The following CACNA1E variants were observed in gnomAD, a reference collection of about 807,000 sequenced individuals.
CACNA1E encodes the protein calcium voltage-gated channel subunit alpha1 E.
A neutral mutation model predicts 259.2 loss-of-function variants in CACNA1E; 40 were observed. That is an observed-to-expected ratio of 0.15 (90% confidence interval 0.12 to 0.20). CACNA1E has a LOEUF of 0.20. CACNA1E is among the 10% of genes least tolerant of loss of function. CACNA1E has a pLI of 1.00. For missense variants in CACNA1E, 1,874 were observed against 3,040.1 expected, an observed-to-expected ratio of 0.62 and a Z score of 9.02; for synonymous variants, 1,104 against 1,138.5, an observed-to-expected ratio of 0.97 and a Z score of 0.61.
chr1:181,496,085 A>C (rs1464310229), intron 1 of CACNA1E, among the ~76,000 whole-genome samples: 1 of 152,216 alleles, frequency 6.6e-6, no homozygotes, highest in Non-Finnish European at 1.5e-5. Context: ...TCTTTCCATA[A>C]GACTTTTTTT....
At chr1:181,422,337 A>G (rs1658810053) in intron 2 of CACNA1E, among the ~76,000 whole-genome samples, 2 of 152,200 alleles carry the variant, frequency 1.3e-5, no homozygotes, top group South Asian at 4.1e-4. Context: ...GTGAATGAAT[A>G]TTTATGAATG....
intron 1 of CACNA1E, among the ~76,000 whole-genome samples, chr1:181,351,061 A>G (rs1653006879): frequency 6.6e-6 from 1 of 152,234 alleles, no homozygotes; most frequent in Non-Finnish European, 1.5e-5. Context: ...TGGGTTAGGA[A>G]AAGACCCTTT....
At chr1:181,511,233 C>T (rs906485894) in intron 2 of CACNA1E, 138 bp from the exon 3 acceptor site, 9 of 936,162 alleles carry the variant, frequency 9.6e-6, no homozygotes, top group Admixed American at 6.2e-5. Context: ...CTGCAAGGGT[C>T]CCTTAGCACC....
intron 6 of CACNA1E, among the ~76,000 whole-genome samples, chr1:181,642,030 A>G (rs1657835181): frequency 6.6e-6 from 1 of 152,080 alleles, no homozygotes; most frequent in Non-Finnish European, 1.5e-5. Flanking sequence ...CACTAATTAT[A>G]TACAAAATAA....
At chr1:181,494,607 T>G (rs1664591949) in intron 1 of CACNA1E, among the ~76,000 whole-genome samples, 1 of 152,154 alleles carries the variant, frequency 6.6e-6, no homozygotes, top group Non-Finnish European at 1.5e-5. Flanking sequence ...TTCAAACAAG[T>G]GTATTATCCA....
chr1:181,748,352 T>C lies in CACNA1E; in HGVS notation c.3720-2124T>C, dbSNP rs113930506. 5.5e-3 allele frequency among the ~76,000 whole-genome samples: 839 copies of C among 152,322 alleles called. 16 individuals are homozygous for C. Among genetic ancestry groups the C allele is most frequent in the African/African-American group, 0.019 (802 of 41,572 alleles). The stretch of plus-strand genomic sequence containing the variant: ...GTATATGTGGTAATACAATGAATTA[T>C]ACCATGATGCTTTACTAGGATTCTG... On this transcript the variant is annotated intron_variant, in intron 25 of 47. Transcript: ENST00000367573.
chr1:181,531,489 TA>T (rs1218441600), intron 3 of CACNA1E, among the ~76,000 whole-genome samples: 2 of 152,166 alleles, frequency 1.3e-5, no homozygotes, highest in African/African-American at 4.8e-5. Context: ...AGACCCACAA[TA>T]GATGCCCAAC....
chr1:181,557,892 G>A (rs1015161241), intron 3 of CACNA1E, among the ~76,000 whole-genome samples: 1 of 152,230 alleles, frequency 6.6e-6, no homozygotes, highest in African/African-American at 2.4e-5. Flanking sequence ...TCCAGGCCTT[G>A]AATAAGATTC....
At chr1:181,759,112 G>A (rs1658346670) in intron 32 of CACNA1E, among the ~76,000 whole-genome samples, 1 of 152,156 alleles carries the variant, frequency 6.6e-6, no homozygotes, top group South Asian at 2.1e-4. Context: ...GTCCAGAGGC[G>A]GCCATCATTG....
chr1:181,525,408 G>T lies in CACNA1E; in HGVS notation c.512+13898G>T, dbSNP rs1038643613. On this transcript the variant is annotated intron_variant, in intron 3 of 47. Transcript: ENST00000367573. ...TTGCCACCTCTCTTGATCAAGCTTT[G>T]AAGATAAGCATGAGAAACAATTAGT... 5.3e-5 allele frequency among the ~76,000 whole-genome samples: 8 copies of T among 152,218 alleles called. No individual in the cohort carries two copies. In the South Asian group the frequency reaches 8.3e-4, roughly 16 times the overall value.
intron 2 of CACNA1E, among the ~76,000 whole-genome samples, chr1:181,440,474 T>A (rs1290117579): frequency 6.6e-6 from 1 of 152,188 alleles, no homozygotes; most frequent in South Asian, 2.1e-4. Flanking sequence ...AAGCTGTCAA[T>A]CCACCAAAGA....
Position 181,659,201 on chromosome 1 carries a change from G to A in CACNA1E, c.1055+7760G>A, listed in dbSNP as rs558357232. Among the ~76,000 whole-genome samples, 9 of 152,238 alleles carry A rather than the reference G, an allele frequency of 5.9e-5. No individual in the cohort carries two copies. The South Asian group carries it at 1.9e-3, about 32-fold the overall frequency. ...CAAGTGAGGGAGAGAGTCCATGTGAGAGGGGGCAGGCCACATCCACTGGTG... is the reference window on the plus strand; with the variant it reads ...CAAGTGAGGGAGAGAGTCCATGTGAAAGGGGGCAGGCCACATCCACTGGTG... On this transcript the variant is annotated intron_variant, in intron 7 of 47. Coordinates refer to ENST00000367573, the MANE Select transcript of CACNA1E (RefSeq NM_001205293.3).
intron 6 of CACNA1E, among the ~76,000 whole-genome samples, chr1:181,619,803 G>A (rs992612815): frequency 2.6e-5 from 4 of 152,126 alleles, no homozygotes; most frequent in African/African-American, 9.7e-5. Context: ...TTATTTGAAG[G>A]CTTTTGGCTT....
chr1:181,796,772 C>T lies in CACNA1E; in HGVS notation c.6313C>T (p.Arg2105Ter), dbSNP rs1425063516. The T allele has an allele frequency of 1.2e-6, 2 of 1,612,736 alleles. No individual in the cohort carries two copies. Among genetic ancestry groups the T allele is most frequent in the Admixed American group, 1.7e-5 (1 of 59,858 alleles). The change falls in exon 47 of 48, where the codon CGA becomes TGA. Residue 2105 changes from arginine (R) to a stop codon, truncating the protein, a stop_gained. Coordinates refer to ENST00000367573, the MANE Select transcript of CACNA1E (RefSeq NM_001205293.3). LOFTEE classifies it high-confidence loss of function. Reference sequence around the variant, plus strand: ...TGTCTCCCGCTGCAATTCAGAAGAGCGAGGGACCCAGGCTGACTGGGAGTC... The same window carrying T: ...TGTCTCCCGCTGCAATTCAGAAGAGTGAGGGACCCAGGCTGACTGGGAGTC... ...PDVSRCNSEE[R>*]GTQADWESPE... is the part of the protein sequence containing the mutation.
intron 3 of CACNA1E, among the ~76,000 whole-genome samples, chr1:181,528,997 G>A (rs1185933654): frequency 3.3e-5 from 5 of 152,224 alleles, no homozygotes; most frequent in Non-Finnish European, 7.3e-5. Context: ...CCAAGACGAT[G>A]GGGAAAATAT....
At chr1:181,479,656 CAATTT>C (rs1663100428), upstream of CACNA1E, among the ~76,000 whole-genome samples, 1 of 152,146 alleles carries the variant, frequency 6.6e-6, no homozygotes, top group Non-Finnish European at 1.5e-5. Flanking sequence ...TGATCAAATT[CAATTT>C]GAGGATGGTA....
chr1:181,461,234 T>C (rs1661780425), intron 2 of CACNA1E, among the ~76,000 whole-genome samples: 1 of 152,128 alleles, frequency 6.6e-6, no homozygotes, highest in African/African-American at 2.4e-5. Flanking sequence ...ATAGTACCCC[T>C]GTGAGATAGT....
intron 2 of CACNA1E, among the ~76,000 whole-genome samples, chr1:181,435,210 C>T (rs1473101738): frequency 6.6e-6 from 1 of 152,188 alleles, no homozygotes; most frequent in Non-Finnish European, 1.5e-5. Context: ...CAGCACACCA[C>T]TGGAACAAAC....
intron 1 of CACNA1E, among the ~76,000 whole-genome samples, chr1:181,499,225 G>T (rs1665036129): frequency 1.3e-5 from 2 of 152,182 alleles, no homozygotes; most frequent in Admixed American, 1.3e-4. Context: ...CTCTTCAGTA[G>T]CCCTAAGAAA....
Sources: gnomAD v4.1 joint callset for allele counts (sites outside exome capture counted in the v4.1 genomes callset) on GRCh38, gnomAD v4.1.1 for gene constraint, MANE v1.5 for transcripts, NCBI Gene and HGNC (gene_info 2026-07-23, HGNC 2026-07-21) for gene names.